ARHGAP22: variants seen among roughly 807,000 people sequenced by gnomAD.
The protein encoded by ARHGAP22 is Rho GTPase activating protein 22.
ARHGAP22 carries 48 observed loss-of-function variants against 59.1 expected under a neutral mutation model. The observed-to-expected ratio is 0.81, with a 90% confidence interval of 0.64 to 1.03. The LOEUF (loss-of-function observed/expected upper bound fraction) is 1.03. ARHGAP22 is among the 50% of genes least tolerant of loss of function. The pLI, the probability that ARHGAP22 is intolerant of heterozygous loss-of-function variation, is 0.00. For missense variants in ARHGAP22, 1,015 were observed against 958.7 expected (o/e 1.06, Z -0.78); for synonymous variants, 445 against 416.4 (o/e 1.07, Z -0.84).
intron 3 of ARHGAP22, chr10:48,510,393 A>G (rs2052633318): frequency 6.6e-6 from 1 of 152,254 alleles, no homozygotes. Context: ...CATCTAAGCC[A>G]TTTTGTCCTG....
chr10:48,452,510 C>T (rs1259784704), intron 8 of ARHGAP22, among the ~76,000 whole-genome samples: 5 of 152,210 alleles, frequency 3.3e-5, no homozygotes, highest in Non-Finnish European at 7.3e-5. Flanking sequence ...GACCAAAGTG[C>T]GGACTTGAGC....
intron 1 of ARHGAP22, among the ~76,000 whole-genome samples, chr10:48,597,912 C>T (rs185223342): frequency 1.1e-4 from 16 of 152,352 alleles, no homozygotes; most frequent in South Asian, 6.2e-4. Flanking sequence ...AGGGCAGGAT[C>T]CTGACTACCT....
chr10:48,481,961 T>G lies in ARHGAP22; in HGVS notation c.323-2197A>C, dbSNP rs576033946. On this transcript the variant is annotated intron_variant, in intron 3 of 9. Transcript: ENST00000249601. ...GCCTATTTTTAAAATAGATTATTTA[T>G]TTTCCATTATTGGTGTTGAGAGTTC... 1.3e-4 allele frequency among the ~76,000 whole-genome samples: 20 copies of G among 152,328 alleles called. No individual in the cohort carries two copies. The East Asian group carries it at 2.9e-3, about 22-fold the overall frequency.
intron 3 of ARHGAP22, among the ~76,000 whole-genome samples, chr10:48,523,328 G>A (rs1290601492): frequency 1.3e-5 from 2 of 152,238 alleles, no homozygotes; most frequent in Non-Finnish European, 2.9e-5. Flanking sequence ...TGAGTTTAGG[G>A]AGCGCTGCAG....
rs2045353062 is a variant in ARHGAP22 at position 48,446,420 on chromosome 10, C to T, written c.2068G>A (p.Gly690Arg). 1 of 1,614,178 alleles carries T rather than the reference C, an allele frequency of 6.2e-7. No homozygotes were observed. The highest frequency in any genetic ancestry group is 8.5e-7 in the Non-Finnish European group (1 of 1,180,034). ...FFSTLGSLTVGAKGARAPK is the reference protein window; with the variant it reads ...FFSTLGSLTVRAKGARAPK Reference sequence around the variant, plus strand: ...TTTGGGGCCCTGGCACCTTTTGCCCCAACAGTCAAGCTTCCTAGGGTCGAA... The same window carrying T: ...TTTGGGGCCCTGGCACCTTTTGCCCTAACAGTCAAGCTTCCTAGGGTCGAA... The change falls in exon 10 of 10, where the codon GGG becomes AGG. Residue 690 changes from glycine (G) to arginine (R), a missense_variant. By Grantham distance (125) the Gly-to-Arg change is moderately radical. Coordinates refer to ENST00000249601, the MANE Select transcript of ARHGAP22 (RefSeq NM_021226.4).
upstream of ARHGAP22, among the ~76,000 whole-genome samples, chr10:48,655,065 C>CTT (rs2062743061): frequency 1.1e-3 from 13 of 12,232 alleles, no homozygotes; most frequent in East Asian, 2.0e-3. Flanking sequence ...TCCTTCCTTC[C>CTT]CTCCTTCTCT....
chr10:48,454,836 C>G (rs12356940), intron 6 of ARHGAP22, among the ~76,000 whole-genome samples, 166 bp downstream of exon 6: 25,605 of 151,788 alleles, frequency 0.17, 2,617 homozygotes, highest in South Asian at 0.28. Context: ...GCCCCTCCCC[C>G]ACCCAAGCAG....
At chr10:48,586,444 G>C (rs2059428092) in intron 1 of ARHGAP22, among the ~76,000 whole-genome samples, 1 of 152,180 alleles carries the variant, frequency 6.6e-6, no homozygotes, top group Non-Finnish European at 1.5e-5. Flanking sequence ...ATAAGGATTA[G>C]GATAATGGAG....
chr10:48,592,396 C>T lies in ARHGAP22; in HGVS notation c.35-9244G>A, dbSNP rs75563089. On this transcript the variant is annotated intron_variant, in intron 1 of 9. Coordinates refer to ENST00000249601, the MANE Select transcript of ARHGAP22 (RefSeq NM_021226.4). ...CTTACCACGTTGGCAATGACTCTCA[C>T]ATTGTTCAACCCAAGCGTCCAGTCA... Among the ~76,000 whole-genome samples the T allele has an allele frequency of 8.1e-3, 1,237 of 152,340 alleles. 11 individuals carry two copies. The highest frequency in any genetic ancestry group is 0.012 in the Non-Finnish European group (798 of 68,020).
chr10:48,557,005 C>T (rs540594408), intron 2 of ARHGAP22, among the ~76,000 whole-genome samples: 8 of 152,322 alleles, frequency 5.3e-5, no homozygotes, highest in Admixed American at 4.6e-4. Flanking sequence ...AGTGACTCTT[C>T]TCATTTAAGC....
At chr10:48,571,875 TCAGA>T (rs1331274745) in intron 2 of ARHGAP22, among the ~76,000 whole-genome samples, 1 of 152,198 alleles carries the variant, frequency 6.6e-6, no homozygotes, top group Non-Finnish European at 1.5e-5. Context: ...TGTGGTCCAT[TCAGA>T]CATTCTTACA....
At chr10:48,475,067 A>G (rs563159586) in intron 4 of ARHGAP22, among the ~76,000 whole-genome samples, 1 of 152,280 alleles carries the variant, frequency 6.6e-6, no homozygotes, top group African/African-American at 2.4e-5. Flanking sequence ...AGAGTTGGCT[A>G]TGCTGACACT....
intron 1 of ARHGAP22, among the ~76,000 whole-genome samples, chr10:48,631,341 C>T (rs2061622498): frequency 6.6e-6 from 1 of 152,114 alleles, no homozygotes; most frequent in Admixed American, 6.5e-5. Flanking sequence ...ACTGTTACCT[C>T]CATTTTTATA....
At chr10:48,495,429 C>T (rs1258853836) in intron 3 of ARHGAP22, among the ~76,000 whole-genome samples, 2 of 152,306 alleles carry the variant, frequency 1.3e-5, no homozygotes, top group East Asian at 1.9e-4. Context: ...AATAATTAGT[C>T]GAAGGTCACA....
intron 4 of ARHGAP22, among the ~76,000 whole-genome samples, chr10:48,474,878 T>C (rs7358144): frequency 2.1e-3 from 318 of 152,338 alleles, no homozygotes; most frequent in African/African-American, 7.4e-3. Flanking sequence ...TTTGTATCTA[T>C]ATCCATAAGA....
At chr10:48,655,006 T>TTCTC (rs1175921556), upstream of ARHGAP22, among the ~76,000 whole-genome samples, 2 of 99,390 alleles carry the variant, frequency 2.0e-5, no homozygotes, top group African/African-American at 3.9e-5. Flanking sequence ...CTCTCTTTCT[T>TTCTC]TCTCTTTCTT....
intron 3 of ARHGAP22, among the ~76,000 whole-genome samples, chr10:48,549,029 G>A (rs1021273001): frequency 6.6e-5 from 10 of 152,314 alleles, no homozygotes; most frequent in Admixed American, 4.6e-4. Context: ...GGTTAGTAGA[G>A]GTTAGTCCCA....
chr10:48,451,313 T>C (rs968842458), intron 8 of ARHGAP22, 173 bp from the exon 9 acceptor site: 8 of 892,170 alleles, frequency 9.0e-6, no homozygotes, highest in Non-Finnish European at 1.4e-5. Flanking sequence ...ACCCTCCAAC[T>C]CCAGGCAGGA....
upstream of ARHGAP22, among the ~76,000 whole-genome samples, chr10:48,606,055 T>C (rs578191944): frequency 7.2e-5 from 11 of 152,268 alleles, no homozygotes; most frequent in Admixed American, 6.5e-4. Context: ...CCGTGTATCC[T>C]CTTAGGCATC....
Sources: allele counts gnomAD v4.1 joint callset (sites outside exome capture counted in the v4.1 genomes callset), GRCh38; gene constraint gnomAD v4.1.1; transcripts MANE v1.5; gene names NCBI Gene and HGNC (gene_info 2026-07-23, HGNC 2026-07-21).